The following TNRC6B variants were observed in gnomAD, a reference collection of about 807,000 sequenced individuals.
The protein encoded by TNRC6B is trinucleotide repeat containing adaptor 6B, also known as trinucleotide repeat-containing gene 6B protein.
TNRC6B carries 52 observed loss-of-function variants against 203.6 expected under a neutral mutation model. The observed-to-expected ratio is 0.26, with a 90% confidence interval of 0.20 to 0.32. The LOEUF is 0.32. Among genes scored for constraint, TNRC6B ranks in the 10% least tolerant of loss-of-function variants. The pLI, the probability that TNRC6B is intolerant of heterozygous loss-of-function variation, is 1.00. For missense variants in TNRC6B, 1,923 were observed against 2,286.2 expected (o/e 0.84, Z 3.24); for synonymous variants, 838 against 845.7 (o/e 0.99, Z 0.16).
intron 1 of TNRC6B, among the ~76,000 whole-genome samples, chr22:40,203,078 T>G (rs920436985): frequency 6.6e-6 from 1 of 152,132 alleles, no homozygotes; most frequent in African/African-American, 2.4e-5. Flanking sequence ...TTTCAAAAAA[T>G]GCTGGCCACT....
chr22:40,154,431 T>C (rs1159834176), intron 3 of TNRC6B, among the ~76,000 whole-genome samples: 2 of 151,670 alleles, frequency 1.3e-5, no homozygotes, highest in Non-Finnish European at 2.9e-5. Context: ...GTCATTGCAC[T>C]CCAACCTGGG....
intron 1 of TNRC6B, among the ~76,000 whole-genome samples, chr22:40,200,507 C>G (rs1295224977): frequency 6.6e-6 from 1 of 150,574 alleles, no homozygotes; most frequent in Non-Finnish European, 1.5e-5. Context: ...AGGCTGGTCT[C>G]TAACTCCTGA....
chr22:40,269,887 C>CAAA (rs34314387), intron 5 of TNRC6B, among the ~76,000 whole-genome samples: 24 of 77,462 alleles, frequency 3.1e-4, no homozygotes, highest in Admixed American at 9.5e-4. Flanking sequence ...GACTCTGTCT[C>CAAA]AAAAAAAAAA....
intron 1 of TNRC6B, among the ~76,000 whole-genome samples, chr22:40,094,991 C>T (rs866054838): frequency 1.3e-5 from 2 of 152,120 alleles, no homozygotes; most frequent in African/African-American, 4.8e-5. Flanking sequence ...ACACTCTTTC[C>T]AAACATTTTG....
intron 3 of TNRC6B, among the ~76,000 whole-genome samples, chr22:40,260,254 A>G (rs1353147412): frequency 6.6e-6 from 1 of 151,288 alleles, no homozygotes. Flanking sequence ...TCTAGTATTT[A>G]CACAGAGAGC....
rs5757853 is a variant in TNRC6B, at chr22:40,106,857, G to A, written c.-120-10198G>A. The A allele has an allele frequency of 2.9e-3, 3,120 of 1,090,032 alleles. 53 individuals carry two copies. The African/African-American group carries it at 0.042, about 15-fold the overall frequency. 67.5% of individuals were successfully genotyped at this position (1,090,032 alleles called of 1,614,324 possible). On this transcript the variant is annotated intron_variant, in intron 1 of 23. Coordinates refer to the TNRC6B transcript ENST00000301923. ...GCTTTTCTTGCCACCCTCGCCATTC[G>A]AATTTCAGTTCTGTCCATCTGCCTA... is the stretch of plus-strand genomic sequence containing the variant.
chr22:40,222,728 C>CT (rs61374373), intron 1 of TNRC6B, among the ~76,000 whole-genome samples: 542 of 40,180 alleles, frequency 0.013, 103 homozygotes, highest in African/African-American at 0.034. Flanking sequence ...CTCTCTCTCT[C>CT]TTTTTTTTTT....
intron 4 of TNRC6B, among the ~76,000 whole-genome samples, chr22:40,161,695 A>T (rs1348393240): frequency 6.6e-6 from 1 of 152,220 alleles, no homozygotes; most frequent in Non-Finnish European, 1.5e-5. Context: ...TTGTATGTGA[A>T]TAAGATTTAT....
chr22:40,086,971 C>T (rs917175386), intron 1 of TNRC6B, among the ~76,000 whole-genome samples: 1 of 151,902 alleles, frequency 6.6e-6, no homozygotes, highest in Admixed American at 6.6e-5. Flanking sequence ...TTTTTTATCT[C>T]CAGGTCCCCC....
chr22:40,173,793 ATTT>A (rs1160322782), upstream of TNRC6B, among the ~76,000 whole-genome samples: 29 of 64,860 alleles, frequency 4.5e-4, no homozygotes, highest in African/African-American at 1.7e-3. Context: ...ATATATATAT[ATTT>A]TTTTTTTTTT....
intron 1 of TNRC6B, among the ~76,000 whole-genome samples, chr22:40,228,801 G>A (rs1378665989): frequency 6.6e-6 from 1 of 152,038 alleles, no homozygotes; most frequent in Non-Finnish European, 1.5e-5. Context: ...TGGGATTACA[G>A]ACATGAGCCA....
intron 3 of TNRC6B, among the ~76,000 whole-genome samples, chr22:40,148,027 T>C (rs57774511): frequency 0.18 from 27,936 of 152,088 alleles, 3,365 homozygotes; most frequent in Admixed American, 0.33. Context: ...AGGTGAACTT[T>C]ATGGCATATA....
intron 19 of TNRC6B, among the ~76,000 whole-genome samples, chr22:40,314,712 T>C (rs2071232943): frequency 1.3e-5 from 2 of 152,264 alleles, no homozygotes. Context: ...CCATCTGAGC[T>C]TGAGGTTCTC....
intron 1 of TNRC6B, among the ~76,000 whole-genome samples, chr22:40,226,759 G>C (rs1033440148): frequency 4.6e-5 from 7 of 152,096 alleles, no homozygotes; most frequent in Non-Finnish European, 8.8e-5. Flanking sequence ...ACACTATTTA[G>C]CTCCATTTCT....
intron 5 of TNRC6B, among the ~76,000 whole-genome samples, chr22:40,268,522 G>A (rs1036564623): frequency 6.6e-6 from 1 of 152,078 alleles, no homozygotes; most frequent in Non-Finnish European, 1.5e-5. Flanking sequence ...TTTCTCACTG[G>A]CTCCCCATGC....
chr22:40,051,515 A>C (rs968770333), intron 1 of TNRC6B, among the ~76,000 whole-genome samples: 2 of 152,198 alleles, frequency 1.3e-5, no homozygotes, highest in Non-Finnish European at 2.9e-5. Context: ...GACATTGACA[A>C]CTGCCTCCAG....
At chr22:40,312,425 C>G in intron 17 of TNRC6B, 80 bp from the exon 18 acceptor site, 1 of 1,369,914 alleles carries the variant, frequency 7.3e-7, no homozygotes, top group Non-Finnish European at 9.9e-7. Context: ...TTCACAGACC[C>G]ATTTCTTATG....
intron 1 of TNRC6B, among the ~76,000 whole-genome samples, chr22:40,070,706 A>G (rs1350100108): frequency 5.9e-5 from 9 of 152,228 alleles, no homozygotes; most frequent in Non-Finnish European, 1.2e-4. Context: ...TCATTTTAAT[A>G]AAAACTCATT....
chr22:40,232,760 C>T (rs897916565), intron 1 of TNRC6B, among the ~76,000 whole-genome samples: 42 of 152,320 alleles, frequency 2.8e-4, no homozygotes, highest in African/African-American at 9.1e-4. Flanking sequence ...CGCCTCTAAT[C>T]CCAGCACTCT....
Sources: gnomAD v4.1 joint callset for allele counts (sites outside exome capture counted in the v4.1 genomes callset) on GRCh38, gnomAD v4.1.1 for gene constraint, MANE v1.5 for transcripts, NCBI Gene and HGNC (gene_info 2026-07-23, HGNC 2026-07-21) for gene names.